Variants in SLC9C1 observed in about 807,000 individuals in gnomAD.
The protein encoded by SLC9C1 is sodium/hydrogen exchanger 10.
In SLC9C1, 97 loss-of-function variants were observed where a neutral mutation model predicts 140.9. The ratio of observed to expected loss-of-function variants is 0.69; its 90% CI spans 0.58 to 0.82. The LOEUF is 0.82. Among genes scored for constraint, SLC9C1 ranks in the 40% least tolerant of loss-of-function variants. SLC9C1 has a pLI of 0.00. For synonymous variants in SLC9C1, 440 were observed against 442.6 expected, an observed-to-expected ratio of 0.99 and a Z score of 0.07; for missense variants, 1,340 against 1,389.3, an observed-to-expected ratio of 0.96 and a Z score of 0.56.
intron 26 of SLC9C1, among the ~76,000 whole-genome samples, chr3:112,160,509 A>C (rs1374374816): frequency 6.7e-6 from 1 of 148,234 alleles, no homozygotes; most frequent in Non-Finnish European, 1.5e-5. Flanking sequence ...TATGAGTGAG[A>C]GTATGCGGTG....
intron 13 of SLC9C1, among the ~76,000 whole-genome samples, chr3:112,228,319 A>G (rs1009611128): frequency 2.0e-5 from 3 of 152,120 alleles, no homozygotes; most frequent in African/African-American, 7.2e-5. Flanking sequence ...CTCTTCAATA[A>G]ATAGTGTTGG....
intron 14 of SLC9C1, among the ~76,000 whole-genome samples, chr3:112,219,801 G>A (rs1030188886): frequency 2.0e-5 from 3 of 152,018 alleles, no homozygotes; most frequent in South Asian, 2.1e-4. Context: ...GGCTGGTCTC[G>A]AACTCCTGAC....
chr3:112,190,755 T>A (rs576203843), intron 20 of SLC9C1, among the ~76,000 whole-genome samples: 1 of 152,174 alleles, frequency 6.6e-6, no homozygotes, highest in East Asian at 1.9e-4. Context: ...TTCTCCAGGA[T>A]TTTTTGCCCT....
chr3:112,239,874 A>G lies in SLC9C1; in HGVS notation c.1412T>C (p.Ile471Thr), dbSNP rs774618745. 9 of 1,613,452 alleles carry G rather than the reference A, an allele frequency of 5.6e-6. No homozygotes were observed. Among genetic ancestry groups the G allele is most frequent in the Admixed American group, 1.7e-5 (1 of 59,944 alleles). ...GTTTTCAAGTGTAATTGCTTTCTCAATCATGTTCCAATCAGCATTAGCAAG... is the reference window on the plus strand; with the variant it reads ...GTTTTCAAGTGTAATTGCTTTCTCAGTCATGTTCCAATCAGCATTAGCAAG... The part of the protein sequence containing the change: ...KDLANADWNM[I>T]EKAITLENPY... Residue 471 changes from isoleucine to threonine, a missense_variant, in exon 12 of 29, where the codon ATT becomes ACT. Transcript: ENST00000305815.
chr3:112,168,170 AT>A (rs58036556), intron 25 of SLC9C1, among the ~76,000 whole-genome samples: 70,747 of 151,720 alleles, frequency 0.47, 16,874 homozygotes, highest in East Asian at 0.64. Context: ...TGTAAGTATC[AT>A]TTTTTTTATC....
intron 15 of SLC9C1, among the ~76,000 whole-genome samples, chr3:112,213,407 C>T (rs1401630384): frequency 2.0e-5 from 3 of 152,100 alleles, no homozygotes; most frequent in Admixed American, 6.6e-5. Flanking sequence ...AAGACACAGA[C>T]GGGCAAGTTG....
chr3:112,274,908 T>C lies in SLC9C1; in HGVS notation c.602A>G (p.Asn201Ser), dbSNP rs772494247. Residue 201 changes from asparagine (N) to serine (S), a missense_variant, in exon 6 of 29, where the codon AAC becomes AGC. Asn to Ser is a conservative substitution (Grantham distance 46, BLOSUM62 1). Coordinates refer to ENST00000305815, the MANE Select transcript of SLC9C1 (RefSeq NM_183061.3). Reference protein sequence around the residue: ...DFDQRLQSKRNHTLAEEIVGG... With the variant: ...DFDQRLQSKRSHTLAEEIVGG... ...AAAAATATACTTACCTAAGGTATGG[T>C]TTCTTTTACTTTGTAGTCTTTGGTC... is the stretch of plus-strand genomic sequence containing the variant. The C allele has an allele frequency of 6.4e-7, 1 of 1,552,178 alleles. No homozygotes were observed. Among genetic ancestry groups the C allele is most frequent in the East Asian group, 2.3e-5 (1 of 43,400 alleles).
At chr3:112,175,893 C>T (rs890499197) in intron 23 of SLC9C1, among the ~76,000 whole-genome samples, 1 of 152,194 alleles carries the variant, frequency 6.6e-6, no homozygotes, top group Non-Finnish European at 1.5e-5. Flanking sequence ...TGCTGCTACC[C>T]GTGGCTGGCT....
At chr3:112,237,351 T>C (rs937783154) in intron 12 of SLC9C1, among the ~76,000 whole-genome samples, 2 of 152,306 alleles carry the variant, frequency 1.3e-5, no homozygotes, top group Admixed American at 6.5e-5. Flanking sequence ...TTTGAGCCTA[T>C]GTGCACGTGA....
At chr3:112,278,879 A>T in intron 3 of SLC9C1, 22 bp from the exon 4 acceptor site, 1 of 1,594,890 alleles carries the variant, frequency 6.3e-7, no homozygotes, top group Non-Finnish European at 8.5e-7. Context: ...CAAATATATC[A>T]TCTTCTCATT....
intron 20 of SLC9C1, among the ~76,000 whole-genome samples, chr3:112,197,667 ATTG>A (rs1440672857): frequency 1.3e-5 from 2 of 152,158 alleles, no homozygotes; most frequent in Non-Finnish European, 2.9e-5. Context: ...TGCCAGTGCA[ATTG>A]TTGTCTAAAA....
intron 15 of SLC9C1, among the ~76,000 whole-genome samples, chr3:112,216,575 A>G (rs1355774336): frequency 6.6e-6 from 1 of 151,968 alleles, no homozygotes; most frequent in Non-Finnish European, 1.5e-5. Context: ...TCAAAAGAAG[A>G]CATTTATGCA....
At chr3:112,230,222 A>G (rs911929768) in intron 13 of SLC9C1, among the ~76,000 whole-genome samples, 2 of 151,984 alleles carry the variant, frequency 1.3e-5, no homozygotes, top group East Asian at 1.9e-4. Context: ...TTTTCCTCTC[A>G]TTCCTGCTGA....
rs930938880 is a variant in SLC9C1, at chr3:112,235,126, ATTTG to A, written c.1447-3644_1447-3641del. On this transcript the variant is annotated intron_variant, in intron 12 of 28. Transcript: ENST00000305815. Reference sequence around the variant, plus strand: ...ATCCATGAGCATGGAATGTTCTTCCATTTGTTTGTATCCTCTTTTATTTCGTTGA... The same window carrying A: ...ATCCATGAGCATGGAATGTTCTTCCATTTGTATCCTCTTTTATTTCGTTGA... 4.2e-4 allele frequency among the ~76,000 whole-genome samples: 54 copies of A among 129,120 alleles called. 3 individuals are homozygous for A. Among genetic ancestry groups the A allele is most frequent in the African/African-American group, 1.5e-3 (54 of 35,566 alleles). 84.7% of individuals were successfully genotyped at this position (129,120 alleles called of 152,430 possible).
At chr3:112,232,289 A>G (rs2078849875) in intron 12 of SLC9C1, among the ~76,000 whole-genome samples, 1 of 152,186 alleles carries the variant, frequency 6.6e-6, no homozygotes. Context: ...TGGACTTAAA[A>G]TATTCCTGGA....
chr3:112,206,279 C>A (rs2108054948), intron 16 of SLC9C1, among the ~76,000 whole-genome samples: 1 of 152,086 alleles, frequency 6.6e-6, no homozygotes, highest in Admixed American at 6.6e-5. Flanking sequence ...CAGAGAAATG[C>A]AAATCAAAAC....
intron 20 of SLC9C1, among the ~76,000 whole-genome samples, chr3:112,198,611 AT>A (rs2077824289): frequency 6.6e-6 from 1 of 151,862 alleles, no homozygotes; most frequent in South Asian, 2.1e-4. Flanking sequence ...GTCTTCTAAG[AT>A]TTTTATTAAC....
At chr3:112,142,186 T>C (rs1032654504) in intron 28 of SLC9C1, among the ~76,000 whole-genome samples, 1 of 152,224 alleles carries the variant, frequency 6.6e-6, no homozygotes, top group Non-Finnish European at 1.5e-5. Flanking sequence ...AGAAAACCAA[T>C]ATCCCTCAGT....
At chr3:112,192,838 T>G (rs1448767581) in intron 20 of SLC9C1, among the ~76,000 whole-genome samples, 1 of 152,228 alleles carries the variant, frequency 6.6e-6, no homozygotes, top group Admixed American at 6.5e-5. Flanking sequence ...TCTGGTATTT[T>G]GTGTATCTGT....
Sources: allele counts gnomAD v4.1 joint callset (sites outside exome capture counted in the v4.1 genomes callset), GRCh38; gene constraint gnomAD v4.1.1; transcripts MANE v1.5; gene names NCBI Gene and HGNC (gene_info 2026-07-23, HGNC 2026-07-21).